The following FAM184A variants were observed in gnomAD, a reference collection of about 807,000 sequenced individuals.
The protein encoded by FAM184A is family with sequence similarity 184 member A.
Under a neutral mutation model 143.8 loss-of-function variants are expected in FAM184A, and 99 were observed. The ratio of observed to expected loss-of-function variants is 0.69; its 90% CI spans 0.58 to 0.81. FAM184A has a LOEUF of 0.81. Ranked by LOEUF, FAM184A falls within the 40% of genes least tolerant of loss-of-function variation. The pLI is 0.00. For synonymous variants in FAM184A, 427 were observed against 446.4 expected (o/e 0.96, Z 0.55); for missense variants, 1,217 against 1,310.5 (o/e 0.93, Z 1.10).
intron 1 of FAM184A, among the ~76,000 whole-genome samples, chr6:119,075,749 G>A (rs1393204327): frequency 6.6e-6 from 1 of 152,122 alleles, no homozygotes; most frequent in African/African-American, 2.4e-5. Context: ...TATATGGCAG[G>A]CAGTAGTAAA....
intron 4 of FAM184A, among the ~76,000 whole-genome samples, chr6:119,018,020 A>G (rs1454689438): frequency 6.6e-6 from 1 of 152,238 alleles, no homozygotes. Flanking sequence ...ACTACATTTC[A>G]TGCACGGACC....
chr6:119,022,908 A>G (rs767740952), intron 3 of FAM184A, 37 bp downstream of exon 3: 16 of 1,611,352 alleles, frequency 9.9e-6, no homozygotes, highest in Non-Finnish European at 1.4e-5. Context: ...TGTTGATTTT[A>G]GCTAAGCATT....
intron 1 of FAM184A, chr6:119,025,369 C>A: frequency 8.3e-5 from 41 of 493,628 alleles, no homozygotes; most frequent in South Asian, 6.2e-4. Flanking sequence ...TAGTTTGCTT[C>A]TAAAGCTGAT....
chr6:119,041,366 A>G (rs1786321564), intron 1 of FAM184A, among the ~76,000 whole-genome samples: 1 of 152,194 alleles, frequency 6.6e-6, no homozygotes, highest in Admixed American at 6.5e-5. Flanking sequence ...TCCACCTTTA[A>G]ACACGGGGCT....
At chr6:119,037,610 T>C (rs1050500676) in intron 1 of FAM184A, among the ~76,000 whole-genome samples, 1 of 152,170 alleles carries the variant, frequency 6.6e-6, no homozygotes, top group Non-Finnish European at 1.5e-5. Flanking sequence ...CAACATCCAA[T>C]AACAAATAAA....
At position 119,108,128 on chromosome 6, in the gene FAM184A, A is replaced by AGTGT. The variant is rs57693047; in HGVS notation, c.-202+40946_-202+40949dup. Among the ~76,000 whole-genome samples the AGTGT allele has an allele frequency of 7.0e-3, 1,033 of 147,094 alleles. 9 individuals are homozygous for AGTGT. The highest frequency in any genetic ancestry group is 0.045 in the East Asian group (227 of 5,052). On this transcript the variant is annotated intron_variant, in intron 1 of 16. Coordinates refer to the FAM184A transcript ENST00000352896. Reference sequence around the variant, plus strand: ...TTTGAAAGTTTGAGAAGCACTTGTTAGTGTGTGTGTGTGTGTGTGTGTGGT... The same window carrying AGTGT: ...TTTGAAAGTTTGAGAAGCACTTGTTAGTGTGTGTGTGTGTGTGTGTGTGTGTGGT...
At chr6:119,089,614 T>C (rs992639514) in intron 1 of FAM184A, among the ~76,000 whole-genome samples, 2 of 152,164 alleles carry the variant, frequency 1.3e-5, no homozygotes, top group Non-Finnish European at 2.9e-5. Context: ...TTATTTCATA[T>C]TTTTAGAACA....
chr6:119,090,694 G>A (rs1788342065), intron 1 of FAM184A, among the ~76,000 whole-genome samples: 1 of 152,152 alleles, frequency 6.6e-6, no homozygotes, highest in Non-Finnish European at 1.5e-5. Flanking sequence ...ACTGCTCAAA[G>A]GGCCATAACT....
intron 12 of FAM184A, among the ~76,000 whole-genome samples, chr6:118,975,637 C>T (rs1310127762): frequency 6.6e-6 from 1 of 152,202 alleles, no homozygotes; most frequent in Non-Finnish European, 1.5e-5. Context: ...AAAACACACA[C>T]ATCACATGGC....
chr6:119,092,199 A>G (rs1441625723), intron 1 of FAM184A, among the ~76,000 whole-genome samples: 1 of 152,168 alleles, frequency 6.6e-6, no homozygotes, highest in Non-Finnish European at 1.5e-5. Context: ...GTGCAGTGGC[A>G]TAACCATGGC....
At chr6:118,963,291 T>C (rs563289035) in intron 16 of FAM184A, 1 of 152,224 alleles carries the variant, frequency 6.6e-6, no homozygotes, top group South Asian at 2.1e-4. Context: ...TTAATTCCAA[T>C]AAAATAAATA....
intron 9 of FAM184A, among the ~76,000 whole-genome samples, chr6:118,985,718 T>C (rs1450168078): frequency 6.6e-6 from 1 of 152,180 alleles, no homozygotes; most frequent in African/African-American, 2.4e-5. Flanking sequence ...TACAGATGAA[T>C]TATGACTGGG....
chr6:119,031,232 C>T (rs184962797), intron 1 of FAM184A, among the ~76,000 whole-genome samples: 17 of 152,120 alleles, frequency 1.1e-4, no homozygotes, highest in Non-Finnish European at 1.9e-4. Context: ...AAATTGCCTA[C>T]CTCAAAAATT....
chr6:119,120,150 G>T (rs1158889856), intron 1 of FAM184A, among the ~76,000 whole-genome samples: 1 of 152,186 alleles, frequency 6.6e-6, no homozygotes. Flanking sequence ...AAGAAACCCT[G>T]CACCCATTTG....
chr6:119,021,318 C>G (rs1785439544), intron 3 of FAM184A, among the ~76,000 whole-genome samples: 1 of 152,190 alleles, frequency 6.6e-6, no homozygotes, highest in African/African-American at 2.4e-5. Context: ...AACACTTAGA[C>G]AAAATATAAC....
intron 1 of FAM184A, among the ~76,000 whole-genome samples, chr6:119,125,068 T>C (rs2114867058): frequency 6.6e-6 from 1 of 152,362 alleles, no homozygotes; most frequent in Admixed American, 6.5e-5. Context: ...AATCATTCTT[T>C]ATAAACATTG....
At chr6:119,091,347 T>C (rs781441221) in intron 1 of FAM184A, among the ~76,000 whole-genome samples, 45 of 152,220 alleles carry the variant, frequency 3.0e-4, no homozygotes, top group Non-Finnish European at 6.0e-4. Context: ...GTATCCTAGC[T>C]ATTAGATACA....
At chr6:118,988,954 A>ATTTTTTTT (rs71556820) in intron 9 of FAM184A, among the ~76,000 whole-genome samples, 2 of 112,060 alleles carry the variant, frequency 1.8e-5, no homozygotes, top group Non-Finnish European at 3.5e-5. Flanking sequence ...TCTGGACATG[A>ATTTTTTTT]TTTTTTTTTT....
intron 1 of FAM184A, among the ~76,000 whole-genome samples, chr6:119,111,039 T>C (rs1355570952): frequency 6.6e-6 from 1 of 152,222 alleles, no homozygotes; most frequent in African/African-American, 2.4e-5. Flanking sequence ...TGCAGCCTTA[T>C]GCTTACTTAA....
Sources: gnomAD v4.1 joint callset for allele counts (sites outside exome capture counted in the v4.1 genomes callset) on GRCh38, gnomAD v4.1.1 for gene constraint, MANE v1.5 for transcripts, NCBI Gene and HGNC (gene_info 2026-07-23, HGNC 2026-07-21) for gene names.